SLC12A2: variants seen among roughly 807,000 people sequenced by gnomAD.
SLC12A2 encodes the protein solute carrier family 12 member 2.
In SLC12A2, 67 loss-of-function variants were observed where a neutral mutation model predicts 136.3. That is an observed-to-expected ratio of 0.49 (90% CI 0.40 to 0.60). SLC12A2 has a LOEUF of 0.60. SLC12A2 is among the 20% of genes least tolerant of loss of function. SLC12A2 has a pLI of 0.00. For synonymous variants in SLC12A2, 619 were observed against 562.9 expected (o/e 1.10, Z -1.41); for missense variants, 1,322 against 1,534.7 (o/e 0.86, Z 2.32).
intron 22 of SLC12A2, 131 bp from the exon 23 acceptor site, chr5:128,180,752 T>C (rs1763681073): frequency 1.6e-6 from 1 of 618,778 alleles, no homozygotes; most frequent in African/African-American, 1.9e-5. Context: ...TTTGACTGAA[T>C]TATCAAGGAA....
chr5:128,146,976 G>T (rs1207592631), intron 10 of SLC12A2, among the ~76,000 whole-genome samples: 1 of 151,324 alleles, frequency 6.6e-6, no homozygotes, highest in East Asian at 1.9e-4. Context: ...CAGAGTATGA[G>T]ATCTCCATGG....
chr5:128,111,961 G>A (rs906613892), intron 1 of SLC12A2, among the ~76,000 whole-genome samples: 2 of 152,070 alleles, frequency 1.3e-5, no homozygotes, highest in African/African-American at 4.8e-5. Flanking sequence ...CTGCTGTTTA[G>A]ATGTGGGTAG....
In SLC12A2 at chr5:128,161,725, T is replaced by G; in HGVS notation, c.2541T>G (p.Ile847Met). Residue 847 changes from isoleucine (I) to methionine (M), a missense_variant, in exon 17 of 27, where the codon ATT becomes ATG. Ile to Met is a conservative substitution (Grantham distance 10). This residue lies in a region of SLC12A2 where 226 missense variants were observed against 210.4 expected (regional missense o/e 1.07). Transcript: ENST00000262461. ...AAGCCAAATATCAGCGATGGCTTAT[T>G]AAGAACAAAATGAAGGCATTTTATG... is the stretch of plus-strand genomic sequence containing the variant. ...IDQAKYQRWL[I>M]KNKMKAFYAP... 1.9e-6 allele frequency: 3 copies of G among 1,538,748 alleles called. No individual in the cohort carries two copies. Among genetic ancestry groups the G allele is most frequent in the Non-Finnish European group, 2.6e-6 (3 of 1,144,722 alleles).
At chr5:128,140,699 TC>T (rs34464459) in intron 9 of SLC12A2, among the ~76,000 whole-genome samples, 2 of 150,262 alleles carry the variant, frequency 1.3e-5, no homozygotes, top group Non-Finnish European at 3.0e-5. Context: ...AGTGGAACCT[TC>T]CCCCCCCAAA....
chr5:128,083,950 C>A lies in SLC12A2; in HGVS notation c.-5C>A. ...CTCTGCAGTTCCGCCGGGGGTCGGG[C>A]AGCTATGGAGCCGCGGCCCACGGCG... On this transcript the variant is annotated 5_prime_UTR_variant, in exon 1 of 27. Transcript: ENST00000262461. 1 of 1,231,474 alleles carries A rather than the reference C, an allele frequency of 8.1e-7. No individual in the cohort carries two copies. The highest frequency in any genetic ancestry group is 1.0e-6 in the Non-Finnish European group (1 of 986,516). The allele number at this position is 1,231,474 out of a possible 1,614,324, so 76.3% of individuals were successfully genotyped here.
intron 1 of SLC12A2, among the ~76,000 whole-genome samples, chr5:128,097,311 TTCTC>T (rs1173838884): frequency 6.6e-6 from 1 of 152,098 alleles, no homozygotes; most frequent in Non-Finnish European, 1.5e-5. Context: ...ATGTCCTACT[TTCTC>T]TATCTAGCAT....
At chr5:128,146,574 T>G (rs762867850) in intron 10 of SLC12A2, among the ~76,000 whole-genome samples, 2 of 151,410 alleles carry the variant, frequency 1.3e-5, no homozygotes, top group Non-Finnish European at 3.0e-5. Flanking sequence ...GAGGAAATGT[T>G]TGAACATGTA....
chr5:128,165,462 A>G (rs1007551886), intron 17 of SLC12A2, among the ~76,000 whole-genome samples: 3 of 152,204 alleles, frequency 2.0e-5, no homozygotes, highest in Non-Finnish European at 4.4e-5. Flanking sequence ...AGATGACTGC[A>G]TTTTGCTAAA....
At chr5:128,086,911 A>G (rs1760122012) in intron 1 of SLC12A2, among the ~76,000 whole-genome samples, 1 of 152,212 alleles carries the variant, frequency 6.6e-6, no homozygotes, top group Non-Finnish European at 1.5e-5. Context: ...TCAGTGAATT[A>G]TAATATTTAG....
intron 9 of SLC12A2, among the ~76,000 whole-genome samples, chr5:128,139,932 C>T (rs939902491): frequency 1.3e-5 from 2 of 152,164 alleles, no homozygotes; most frequent in Non-Finnish European, 2.9e-5. Flanking sequence ...TGAAATTTCA[C>T]TACATGACAG....
intron 4 of SLC12A2, among the ~76,000 whole-genome samples, chr5:128,118,051 AAAAAATAAT>A (rs1212025977): frequency 6.6e-6 from 1 of 152,198 alleles, no homozygotes; most frequent in Non-Finnish European, 1.5e-5. Flanking sequence ...CCTTAATTAA[AAAAAATAAT>A]AAAAATAACA....
At chr5:128,130,439 C>T (rs1416686550) in intron 4 of SLC12A2, among the ~76,000 whole-genome samples, 1 of 148,178 alleles carries the variant, frequency 6.7e-6, no homozygotes, top group Non-Finnish European at 1.5e-5. Flanking sequence ...CACATGAACC[C>T]AGCAGGTGGA....
intron 10 of SLC12A2, among the ~76,000 whole-genome samples, chr5:128,144,283 T>G (rs1762459273): frequency 6.6e-6 from 1 of 152,260 alleles, no homozygotes; most frequent in South Asian, 2.1e-4. Flanking sequence ...GGAAGTAAAC[T>G]TTTCAAAAAT....
intron 4 of SLC12A2, among the ~76,000 whole-genome samples, chr5:128,118,048 T>TA (rs1214322561): frequency 3.3e-5 from 5 of 151,924 alleles, no homozygotes; most frequent in African/African-American, 9.7e-5. Flanking sequence ...TGGCCTTAAT[T>TA]AAAAAAAATA....
intron 3 of SLC12A2, 58 bp from the exon 4 acceptor site, chr5:128,114,528 T>C (rs1761275430): frequency 1.7e-6 from 2 of 1,180,306 alleles, no homozygotes; most frequent in South Asian, 2.5e-5. Context: ...CAGTTTTAGA[T>C]ACCGATGAGC....
rs1414376659 is a variant in SLC12A2 at position 128,126,860 on chromosome 5, G to C, written c.1049-4207G>C. ...TTGCTGAGCATATTTATCCTAAATG[G>C]ATGGTGAATTTTGTCATGATTCTCC... is the stretch of plus-strand genomic sequence containing the variant. On this transcript the variant is annotated intron_variant, in intron 4 of 26. Coordinates refer to ENST00000262461, the MANE Select transcript of SLC12A2 (RefSeq NM_001046.3). 6.1e-5 allele frequency among the ~76,000 whole-genome samples: 9 copies of C among 146,734 alleles called. No homozygotes were observed. The South Asian group carries it at 1.3e-3, about 21-fold the overall frequency.
intron 4 of SLC12A2, among the ~76,000 whole-genome samples, chr5:128,116,394 AATATATAT>A (rs60538639): frequency 4.2e-5 from 6 of 144,262 alleles, no homozygotes; most frequent in African/African-American, 1.2e-4. Context: ...TGTATATATA[AATATATAT>A]ATATATATAT....
At chr5:128,102,384 T>C (rs554942947) in intron 1 of SLC12A2, among the ~76,000 whole-genome samples, 22 of 152,176 alleles carry the variant, frequency 1.4e-4, no homozygotes, top group African/African-American at 3.1e-4. Flanking sequence ...CCCTGACTTA[T>C]GGTGATCACT....
Position 128,149,720 on chromosome 5 carries a change from C to T in SLC12A2, c.2006-277C>T, listed in dbSNP as rs535158348. Among the ~76,000 whole-genome samples, 33 of 151,814 alleles carry T rather than the reference C, an allele frequency of 2.2e-4. No individual in the cohort carries two copies. The South Asian group carries it at 5.4e-3, about 25-fold the overall frequency. On this transcript the variant is annotated intron_variant, in intron 12 of 26. Coordinates refer to ENST00000262461, the MANE Select transcript of SLC12A2 (RefSeq NM_001046.3). ...ACAGTACTATTATGATGCATATAGACGATACATGTCATAAAACTATATAAT... is the reference window on the plus strand; with the variant it reads ...ACAGTACTATTATGATGCATATAGATGATACATGTCATAAAACTATATAAT...
Sources: allele counts gnomAD v4.1 joint callset (sites outside exome capture counted in the v4.1 genomes callset), GRCh38; gene constraint gnomAD v4.1.1; regional missense constraint gnomAD v4.1.1; transcripts MANE v1.5; gene names NCBI Gene and HGNC (gene_info 2026-07-23, HGNC 2026-07-21).